GPATCH11: variants seen among roughly 807,000 people sequenced by gnomAD.
GPATCH11 encodes the protein G patch domain-containing protein 11.
Under a neutral mutation model 44.8 loss-of-function variants are expected in GPATCH11, and 32 were observed. The ratio of observed to expected loss-of-function variants is 0.71; its 90% confidence interval spans 0.54 to 0.96. The LOEUF is 0.96. Ranked by LOEUF, GPATCH11 falls within the 40% of genes least tolerant of loss-of-function variation. The pLI, the probability that GPATCH11 is intolerant of heterozygous loss-of-function variation, is 0.00. For synonymous variants in GPATCH11, 84 were observed against 94.4 expected, an observed-to-expected ratio of 0.89 and a Z score of 0.64; for missense variants, 324 against 303.1, an observed-to-expected ratio of 1.07 and a Z score of -0.51.
chr2:37,090,965 G>A (rs1673289224), intron 4 of GPATCH11, among the ~76,000 whole-genome samples: 1 of 152,200 alleles, frequency 6.6e-6, no homozygotes, highest in African/African-American at 2.4e-5. Flanking sequence ...GTGCAATACT[G>A]TTTTTGTCCA....
At chr2:37,094,751 G>A (rs532779977) in intron 7 of GPATCH11, among the ~76,000 whole-genome samples, 4 of 152,188 alleles carry the variant, frequency 2.6e-5, no homozygotes, top group African/African-American at 9.6e-5. Flanking sequence ...AGACCAGCCT[G>A]GCCAACATGG....
At position 37,084,972 on chromosome 2, in the gene GPATCH11, C is replaced by A. The variant is rs939944415; in HGVS notation, c.-14+402C>A. Among the ~76,000 whole-genome samples, 17 of 152,166 alleles carry A rather than the reference C, an allele frequency of 1.1e-4. 1 individual carries two copies. Among genetic ancestry groups the A allele is most frequent in the African/African-American group, 4.8e-5 (2 of 41,428 alleles). ...AGCGTTATCTTGACATCGTTCTTTA[C>A]GTACTACCTACAACATCAGCAAATC... On this transcript the variant is annotated intron_variant, in intron 1 of 8. Transcript: ENST00000674370.
rs1446293348 is a variant in GPATCH11, at chr2:37,089,711, A to G, written c.131A>G (p.Gln44Arg). 3.9e-6 allele frequency: 6 copies of G among 1,551,910 alleles called. No individual in the cohort carries two copies. Among genetic ancestry groups the G allele is most frequent in the Non-Finnish European group, 5.2e-6 (6 of 1,147,052 alleles). The change falls in exon 3 of 9, where the codon CAG (glutamine) becomes CGG (arginine). Residue 44 changes from glutamine (Q) to arginine (R), a missense_variant. Gln to Arg is a conservative substitution (Grantham distance 43). Coordinates refer to ENST00000674370, the MANE Select transcript of GPATCH11 (RefSeq NM_174931.4). Reference protein sequence around the residue: ...REARRKEEKQQEANLKNRQKS... With the variant: ...REARRKEEKQREANLKNRQKS... ...GCCCGTCGAAAAGAAGAAAAGCAAC[A>G]GGAAGCCAATTTGAAAAACAGGCAG...
rs1276600778 is a variant in GPATCH11 at position 37,099,203 on chromosome 2, TAC to T, written c.*2941_*2942del. ...GAAATTCAAAATAAATACTTTAACA[TAC>T]CAAATTGGTTTTTCTAATAAACATT... On this transcript the variant is annotated 3_prime_UTR_variant, in exon 9 of 9. Transcript: ENST00000674370. The T allele has an allele frequency of 6.6e-6, 1 of 152,254 alleles. No individual in the cohort carries two copies. Among genetic ancestry groups the T allele is most frequent in the African/African-American group, 2.4e-5 (1 of 41,476 alleles). 9.4% of individuals were successfully genotyped at this position (152,254 alleles called of 1,614,324 possible).
chr2:37,084,567 T>C lies in GPATCH11; in HGVS notation c.-17T>C. On this transcript the variant is annotated 5_prime_UTR_variant, in exon 1 of 9. Transcript: ENST00000674370. ...CTGAACCGGGGCGAGCAGAGAGCTG[T>C]CAGGTAAGAGAGCTGTCAGGTAAGG... The C allele has an allele frequency of 8.1e-7, 1 of 1,232,296 alleles. No homozygotes were observed. Among genetic ancestry groups the C allele is most frequent in the Non-Finnish European group, 1.0e-6 (1 of 988,060 alleles). 76.3% of individuals were successfully genotyped at this position (1,232,296 alleles called of 1,614,324 possible). A position where few individuals can be genotyped will look rare whatever the true frequency, so the allele number is the denominator to read the frequency against.
At chr2:37,092,578 T>C (rs1008202673) in intron 6 of GPATCH11, among the ~76,000 whole-genome samples, 4 of 149,486 alleles carry the variant, frequency 2.7e-5, no homozygotes, top group East Asian at 1.9e-4. Context: ...TCTGTGACAA[T>C]TGATATAAAA....
At chr2:37,085,717 C>G (rs1196678593) in intron 1 of GPATCH11, among the ~76,000 whole-genome samples, 1 of 152,206 alleles carries the variant, frequency 6.6e-6, no homozygotes, top group Non-Finnish European at 1.5e-5. Context: ...TGCTACATAA[C>G]AAATTATCCC....
At chr2:37,088,897 A>C (rs1213442714) in intron 2 of GPATCH11, among the ~76,000 whole-genome samples, 2 of 152,190 alleles carry the variant, frequency 1.3e-5, no homozygotes, top group Non-Finnish European at 2.9e-5. Context: ...TCACCATAGA[A>C]AGATACTAGA....
Position 37,097,686 on chromosome 2 carries a change from TA to T in GPATCH11, c.*1424del, listed in dbSNP as rs1673658534. 1 of 152,258 alleles carries T rather than the reference TA, an allele frequency of 6.6e-6. No individual in the cohort carries two copies. The highest frequency in any genetic ancestry group is 1.5e-5 in the Non-Finnish European group (1 of 68,048). 9.4% of individuals were successfully genotyped at this position (152,258 alleles called of 1,614,324 possible). ...CATAAGAAGATTGTAAAAATTAACC[TA>T]CACTTGCTAGGGTAAGATAATCAGT... On this transcript the variant is annotated 3_prime_UTR_variant, in exon 9 of 9. Transcript: ENST00000674370.
intron 8 of GPATCH11, 117 bp downstream of exon 8, chr2:37,095,635 C>A: frequency 2.6e-6 from 3 of 1,134,530 alleles, no homozygotes; most frequent in Admixed American, 3.9e-5. Flanking sequence ...AGTATGGGAC[C>A]AATTTCTTAA....
intron 1 of GPATCH11, among the ~76,000 whole-genome samples, chr2:37,086,616 T>C (rs979813524): frequency 6.6e-6 from 1 of 152,078 alleles, no homozygotes; most frequent in Admixed American, 6.5e-5. Context: ...CTGGCCAACA[T>C]GGCAAAACCC....
chr2:37,088,413 A>T lies in GPATCH11; in HGVS notation c.32A>T (p.Tyr11Phe). 1 of 1,573,654 alleles carries T rather than the reference A, an allele frequency of 6.4e-7. No individual in the cohort carries two copies. The highest frequency in any genetic ancestry group is 8.7e-7 in the Non-Finnish European group (1 of 1,148,036). ...TTGAACATGGCAGAAGAAGAGGACT[A>T]TATGTCTGATTCCTTCATTAATGTC... Reference protein sequence around the residue: MKLNMAEEEDYMSDSFINVQE... With the variant: MKLNMAEEEDFMSDSFINVQE... Residue 11 changes from tyrosine to phenylalanine, a missense_variant, in exon 2 of 9, where the codon TAT becomes TTT. By Grantham distance (22) the Tyr-to-Phe change is conservative (BLOSUM62 3). Transcript: ENST00000674370.
At position 37,091,732 on chromosome 2, in the gene GPATCH11, G is replaced by A. The variant is rs528414356; in HGVS notation, c.329-184G>A. 2.6e-5 allele frequency among the ~76,000 whole-genome samples: 4 copies of A among 152,118 alleles called. No individual in the cohort carries two copies. In the South Asian group the frequency reaches 6.2e-4, roughly 24 times the overall value. On this transcript the variant is annotated intron_variant, in intron 4 of 8. Coordinates refer to ENST00000674370, the MANE Select transcript of GPATCH11 (RefSeq NM_174931.4). Reference sequence around the variant, plus strand: ...CTATAAGATGAGATTAACAATCTTTGTAAAAATCAGATTATGTTTTGGGCT... The same window carrying A: ...CTATAAGATGAGATTAACAATCTTTATAAAAATCAGATTATGTTTTGGGCT...
chr2:37,091,536 T>A (rs1465652410), intron 4 of GPATCH11, among the ~76,000 whole-genome samples: 1 of 152,030 alleles, frequency 6.6e-6, no homozygotes, highest in Non-Finnish European at 1.5e-5. Context: ...TACCAGCCTG[T>A]CCCTATAAAA....
intron 7 of GPATCH11, 42 bp downstream of exon 7, chr2:37,094,237 G>T: frequency 8.3e-7 from 1 of 1,199,350 alleles, no homozygotes; most frequent in South Asian, 1.3e-5. Flanking sequence ...TCTCAGCCTT[G>T]GCAACATTAG....
Position 37,092,017 on chromosome 2 carries a change from A to G in GPATCH11, c.430A>G (p.Lys144Glu). ...TCACATGAAAAACCAAGCTGAAGAA[A>G]AAGCTGCAGAACAGTTTCGGTAAAA... is the stretch of plus-strand genomic sequence containing the variant. Reference protein sequence around the residue: ...KIHMKNQAEEKAAEQFRMRLK... With the variant: ...KIHMKNQAEEEAAEQFRMRLK... The change falls in exon 5 of 9, where the codon AAA becomes GAA. Residue 144 changes from lysine (K) to glutamate (E), a missense_variant. Coordinates refer to ENST00000674370, the MANE Select transcript of GPATCH11 (RefSeq NM_174931.4). 1 of 1,613,274 alleles carries G rather than the reference A, an allele frequency of 6.2e-7. No homozygotes were observed. Among genetic ancestry groups the G allele is most frequent in the South Asian group, 1.1e-5 (1 of 91,058 alleles).
chr2:37,097,182 A>C lies in GPATCH11; in HGVS notation c.*919A>C, dbSNP rs536662402. ...TTGGAAACCCCTTGATAGCATTCCCAGCAAGTGATAGTTCAACCTTTGCTT... is the reference window on the plus strand; with the variant it reads ...TTGGAAACCCCTTGATAGCATTCCCCGCAAGTGATAGTTCAACCTTTGCTT... On this transcript the variant is annotated 3_prime_UTR_variant, in exon 9 of 9. Coordinates refer to ENST00000674370, the MANE Select transcript of GPATCH11 (RefSeq NM_174931.4). 5 of 152,346 alleles carry C rather than the reference A, an allele frequency of 3.3e-5. No individual in the cohort carries two copies. The South Asian group carries it at 1.0e-3, about 32-fold the overall frequency. The allele number at this position is 152,346 out of a possible 1,614,324, so 9.4% of individuals were successfully genotyped here.
rs1673670110 is a variant in GPATCH11, at chr2:37,097,974, AATATTT to A, written c.*1716_*1721del. ...TGAATGTAAATATGTGTATATATAT[AATATTT>A]ATATGTTTGGATGCTATTGTTTAAT... On this transcript the variant is annotated 3_prime_UTR_variant, in exon 9 of 9. Transcript: ENST00000674370. The A allele has an allele frequency of 6.6e-6, 1 of 152,176 alleles. No individual in the cohort carries two copies. Among genetic ancestry groups the A allele is most frequent in the African/African-American group, 2.4e-5 (1 of 41,448 alleles). The allele number at this position is 152,176 out of a possible 1,614,324, so 9.4% of individuals were successfully genotyped here.
intron 1 of GPATCH11, among the ~76,000 whole-genome samples, chr2:37,084,985 A>T (rs1672920036): frequency 6.6e-6 from 1 of 152,170 alleles, no homozygotes; most frequent in East Asian, 1.9e-4. Context: ...ACTACCTACA[A>T]CATCAGCAAA....
Sources: allele counts gnomAD v4.1 joint callset (sites outside exome capture counted in the v4.1 genomes callset), GRCh38; gene constraint gnomAD v4.1.1; transcripts MANE v1.5; gene names NCBI Gene and HGNC (gene_info 2026-07-23, HGNC 2026-07-21).